CCL26: variants seen among roughly 807,000 people sequenced by gnomAD.
The protein encoded by CCL26 is C-C motif chemokine ligand 26.
CCL26 carries 10 observed loss-of-function variants against 10.7 expected under a neutral mutation model. The observed-to-expected ratio is 0.93, with a 90% confidence interval of 0.57 to 1.58. The LOEUF is 1.58. CCL26 is among the 40% of genes most tolerant of loss of function. CCL26 has a pLI of 0.00. For synonymous variants in CCL26, 43 were observed against 41.4 expected, an observed-to-expected ratio of 1.04 and a Z score of -0.15; for missense variants, 116 against 111.0, an observed-to-expected ratio of 1.05 and a Z score of -0.20.
At chr7:75,771,638 C>T (rs1172950257) in intron 2 of CCL26, among the ~76,000 whole-genome samples, 1 of 152,170 alleles carries the variant, frequency 6.6e-6, no homozygotes, top group Non-Finnish European at 1.5e-5. Context: ...ATTGCTTGAA[C>T]CCGGGAGGGG....
chr7:75,780,248 C>A (rs1380483819), intron 1 of CCL26, among the ~76,000 whole-genome samples: 1 of 152,062 alleles, frequency 6.6e-6, no homozygotes, highest in Non-Finnish European at 1.5e-5. Context: ...ATTCCCCACC[C>A]CTTCTCTCCG....
upstream of CCL26, among the ~76,000 whole-genome samples, chr7:75,776,066 C>T (rs1802932134): frequency 7.9e-6 from 1 of 127,020 alleles, no homozygotes; most frequent in African/African-American, 3.1e-5. Flanking sequence ...TTAGTTCACA[C>T]TCTTTTTTTT....
chr7:75,791,183 C>T (rs1803323917), upstream of CCL26, among the ~76,000 whole-genome samples: 1 of 151,898 alleles, frequency 6.6e-6, no homozygotes, highest in African/African-American at 2.4e-5. Flanking sequence ...CCCGCCACCA[C>T]ACCTGGCTAA....
chr7:75,773,740 T>A (rs1802878846), upstream of CCL26, among the ~76,000 whole-genome samples: 1 of 151,384 alleles, frequency 6.6e-6, no homozygotes, highest in Non-Finnish European at 1.5e-5. Flanking sequence ...GCCGGGCTAA[T>A]TTTGTGGTGG....
upstream of CCL26, among the ~76,000 whole-genome samples, chr7:75,774,469 CAG>C (rs1554528510): frequency 6.6e-6 from 1 of 151,372 alleles, no homozygotes; most frequent in Non-Finnish European, 1.5e-5. Flanking sequence ...TTTTTTGAGA[CAG>C]AGTCTTGCTC....
In CCL26 at chr7:75,769,645, A is replaced by G. The variant is rs781875540; in HGVS notation, c.*48T>C. The G allele has an allele frequency of 8.0e-7, 1 of 1,257,570 alleles. No individual in the cohort carries two copies. The highest frequency in any genetic ancestry group is 1.7e-5 in the Admixed American group (1 of 59,152). The allele number at this position is 1,257,570 out of a possible 1,614,324, so 77.9% of individuals were successfully genotyped here. A position where few individuals can be genotyped will look rare whatever the true frequency, so the allele number is the denominator to read the frequency against. On this transcript the variant is annotated 3_prime_UTR_variant, in exon 3 of 3. Transcript: ENST00000005180. ...TTCCGCAGGCTCCCCAGAGGGCTGC[A>G]GAGCCAAGAGCGGGGTCCAAGCGTC...
At chr7:75,780,174 C>T (rs1400942230) in intron 1 of CCL26, among the ~76,000 whole-genome samples, 1 of 148,912 alleles carries the variant, frequency 6.7e-6, no homozygotes, top group Non-Finnish European at 1.5e-5. Context: ...CTTCCCACCC[C>T]TTTTTCCACT....
At chr7:75,779,719 C>G (rs782593486) in intron 1 of CCL26, among the ~76,000 whole-genome samples, 4 of 152,224 alleles carry the variant, frequency 2.6e-5, no homozygotes, top group African/African-American at 4.8e-5. Context: ...TCATTGTTGT[C>G]TGATCACCGC....
At chr7:75,789,072 C>T (rs938988916) in intron 1 of CCL26, among the ~76,000 whole-genome samples, 1 of 150,852 alleles carries the variant, frequency 6.6e-6, no homozygotes, top group Non-Finnish European at 1.5e-5. Context: ...CAGGTGCGCA[C>T]CACCGTGCCC....
At chr7:75,779,927 C>G (rs1401161013) in intron 1 of CCL26, among the ~76,000 whole-genome samples, 1 of 145,746 alleles carries the variant, frequency 6.9e-6, no homozygotes, top group Non-Finnish European at 1.5e-5. Context: ...GGCAAGCACC[C>G]CCCTCCCCTT....
At chr7:75,770,127 T>G (rs1265828029) in intron 2 of CCL26, among the ~76,000 whole-genome samples, 5 of 151,596 alleles carry the variant, frequency 3.3e-5, no homozygotes, top group Admixed American at 1.3e-4. Context: ...TGGAGTGCAA[T>G]GGCATGATCT....
At chr7:75,780,947 TA>T (rs1554529372) in intron 1 of CCL26, among the ~76,000 whole-genome samples, 1 of 152,174 alleles carries the variant, frequency 6.6e-6, no homozygotes, top group African/African-American at 2.4e-5. Context: ...AATTTCCTCT[TA>T]AAAAGGTGGC....
chr7:75,782,394 T>A (rs529266582), intron 1 of CCL26, among the ~76,000 whole-genome samples: 89 of 152,206 alleles, frequency 5.8e-4, no homozygotes, highest in Middle Eastern at 3.4e-3. Flanking sequence ...ATTCCCTTGG[T>A]GGCAAGTCAA....
chr7:75,772,275 T>G (rs1192028138), upstream of CCL26: 9 of 846,776 alleles, frequency 1.1e-5, no homozygotes, highest in Non-Finnish European at 1.7e-5. Flanking sequence ...TTCCAGAGAA[T>G]TCTGTGGTTG....
chr7:75,789,703 T>A (rs1414710636), intron 1 of CCL26: 1 of 146,174 alleles, frequency 6.8e-6, no homozygotes, highest in East Asian at 2.1e-4. Context: ...AGAAACAAAG[T>A]CCCTGACCCT....
Position 75,777,721 on chromosome 7 carries a change from G to GAAAAA in CCL26, c.-78-5472_-78-5468dup, listed in dbSNP as rs60039632. ...CCCAACAGAGTGAGATCCTGTCTCA[G>GAAAAA]AAAAAAAAAAAAAAAAAAAAAGCAG... is the stretch of plus-strand genomic sequence containing the variant. On this transcript the variant is annotated intron_variant, in intron 1 of 3. Transcript: ENST00000394905. Among the ~76,000 whole-genome samples, 26 of 60,552 alleles carry GAAAAA rather than the reference G, an allele frequency of 4.3e-4. 8 individuals are homozygous for GAAAAA. The highest frequency in any genetic ancestry group is 1.7e-3 in the East Asian group (3 of 1,790). The allele number at this position is 60,552 out of a possible 152,430, so 39.7% of individuals were successfully genotyped here. A position where few individuals can be genotyped will look rare whatever the true frequency, so the allele number is the denominator to read the frequency against.
At chr7:75,773,846 G>A (rs143377774), upstream of CCL26, among the ~76,000 whole-genome samples, 24 of 152,044 alleles carry the variant, frequency 1.6e-4, no homozygotes, top group East Asian at 4.5e-3. Context: ...TCGTGCCATT[G>A]CACTCCAGCC....
chr7:75,783,921 T>C (rs192270877), intron 1 of CCL26, among the ~76,000 whole-genome samples: 123 of 152,300 alleles, frequency 8.1e-4, no homozygotes, highest in Non-Finnish European at 1.6e-3. Context: ...ATTCTCAATA[T>C]ACATTTTATT....
upstream of CCL26, among the ~76,000 whole-genome samples, chr7:75,790,744 GACC>G (rs1554530725): frequency 1.3e-5 from 2 of 152,034 alleles, no homozygotes; most frequent in Non-Finnish European, 2.9e-5. Flanking sequence ...AGGAGTTCAA[GACC>G]AACCTGGCCA....
Sources: allele counts gnomAD v4.1 joint callset (sites outside exome capture counted in the v4.1 genomes callset), GRCh38; gene constraint gnomAD v4.1.1; transcripts MANE v1.5; gene names NCBI Gene and HGNC (gene_info 2026-07-23, HGNC 2026-07-21).